Variants in INSR observed in about 807,000 individuals in gnomAD.
INSR encodes IR.
In INSR, 67 loss-of-function variants were observed where a neutral mutation model predicts 142.6. The observed-to-expected ratio is 0.47, with a 90% CI of 0.39 to 0.58. The LOEUF (loss-of-function observed/expected upper bound fraction) is 0.58, where lower values mean the gene tolerates loss of function less well. INSR is among the 20% of genes least tolerant of loss of function. The pLI is 0.00. For missense variants in INSR, 1,248 were observed against 1,833.2 expected, an observed-to-expected ratio of 0.68 and a Z score of 5.83; for synonymous variants, 756 against 743.1, an observed-to-expected ratio of 1.02 and a Z score of -0.28.
At chr19:7,256,379 G>A (rs1568222366) in intron 2 of INSR, among the ~76,000 whole-genome samples, 3 of 152,142 alleles carry the variant, frequency 2.0e-5, no homozygotes, top group Non-Finnish European at 4.4e-5. Flanking sequence ...AACCCGGGAG[G>A]CAGGGGTTGC....
intron 4 of INSR, among the ~76,000 whole-genome samples, chr19:7,173,280 A>C (rs1230646014): frequency 1.3e-5 from 2 of 152,174 alleles, no homozygotes; most frequent in African/African-American, 4.8e-5. Flanking sequence ...TGTTCGCTAA[A>C]GAAATAAACA....
At chr19:7,127,846 C>T (rs143594911) in intron 15 of INSR, among the ~76,000 whole-genome samples, 2,961 of 151,414 alleles carry the variant, frequency 0.02, 62 homozygotes, top group African/African-American at 0.047. Context: ...TGGGTTCAAG[C>T]GATTCTCCTG....
At chr19:7,224,629 G>A (rs1975723494) in intron 2 of INSR, among the ~76,000 whole-genome samples, 1 of 152,198 alleles carries the variant, frequency 6.6e-6, no homozygotes, top group Non-Finnish European at 1.5e-5. Context: ...CTGCCGGAGG[G>A]CGATGGTCCA....
chr19:7,273,433 T>C (rs1034176809), intron 1 of INSR, among the ~76,000 whole-genome samples: 4 of 152,030 alleles, frequency 2.6e-5, no homozygotes, highest in Admixed American at 2.0e-4. Flanking sequence ...AATGGGTACC[T>C]GGTTAATGGC....
At chr19:7,152,255 GTGC>G (rs1231151675) in intron 10 of INSR, 4 of 239,372 alleles carry the variant, frequency 1.7e-5, no homozygotes, top group Non-Finnish European at 3.3e-5. Context: ...GCTGGGCGTG[GTGC>G]TGCGCACCTG....
At chr19:7,286,687 A>G (rs1173038448) in intron 1 of INSR, among the ~76,000 whole-genome samples, 1 of 149,620 alleles carries the variant, frequency 6.7e-6, no homozygotes, top group Admixed American at 6.7e-5. Context: ...ACTGCACCCC[A>G]CCACAAGATT....
intron 9 of INSR, among the ~76,000 whole-genome samples, chr19:7,154,902 C>T (rs1258872848): frequency 2.6e-5 from 4 of 151,616 alleles, no homozygotes; most frequent in Non-Finnish European, 5.9e-5. Flanking sequence ...CCAGCCTAGG[C>T]GACAACAGCG....
chr19:7,251,947 C>G (rs1196703099), intron 2 of INSR, among the ~76,000 whole-genome samples: 5 of 151,942 alleles, frequency 3.3e-5, no homozygotes, highest in Non-Finnish European at 5.9e-5. Context: ...ACCAACTGAC[C>G]CAGCGATTCC....
chr19:7,256,482 C>T (rs10424900), intron 2 of INSR, among the ~76,000 whole-genome samples: 1 of 151,742 alleles, frequency 6.6e-6, no homozygotes, highest in Non-Finnish European at 1.5e-5. Context: ...CCAATCCTGG[C>T]TGGCACAGTG....
intron 2 of INSR, among the ~76,000 whole-genome samples, chr19:7,233,668 C>CTTTTTTTTTTTTTTTTTTTTGTTTTT (rs1976064609): frequency 1.4e-5 from 1 of 72,408 alleles, no homozygotes; most frequent in Non-Finnish European, 2.4e-5. Context: ...CTTTTTCTGT[C>CTTTTTTTTTTTTTTTTTTTTGTTTTT]TTTTTTTTTT....
chr19:7,129,618 C>T (rs1387136694), intron 14 of INSR, among the ~76,000 whole-genome samples: 1 of 152,226 alleles, frequency 6.6e-6, no homozygotes, highest in East Asian at 1.9e-4. Context: ...AGCCAACGTG[C>T]CCGGCCAAAT....
At chr19:7,151,772 T>C (rs73503011) in intron 10 of INSR, among the ~76,000 whole-genome samples, 7,884 of 151,956 alleles carry the variant, frequency 0.052, 619 homozygotes, top group African/African-American at 0.17. Context: ...ATGAATAGCA[T>C]TGGTAAACAT....
intron 7 of INSR, among the ~76,000 whole-genome samples, chr19:7,167,596 G>A (rs1374345832): frequency 3.3e-5 from 5 of 151,402 alleles, no homozygotes; most frequent in Admixed American, 6.6e-5. Flanking sequence ...AAAAATTGGG[G>A]ATAAAAAAGA....
intron 1 of INSR, among the ~76,000 whole-genome samples, chr19:7,287,411 T>G (rs1159972521): frequency 6.6e-6 from 1 of 151,774 alleles, no homozygotes; most frequent in Non-Finnish European, 1.5e-5. Context: ...TCCACCCACC[T>G]CGGCCTCCCA....
chr19:7,200,697 A>T (rs1019562759), intron 2 of INSR, among the ~76,000 whole-genome samples: 1 of 151,248 alleles, frequency 6.6e-6, no homozygotes, highest in Non-Finnish European at 1.5e-5. Flanking sequence ...ATTAAAGATT[A>T]AAAAAAATAA....
intron 11 of INSR, among the ~76,000 whole-genome samples, chr19:7,147,265 C>T (rs891981268): frequency 3.3e-5 from 5 of 151,936 alleles, no homozygotes; most frequent in Admixed American, 1.3e-4. Context: ...ACCTCCACCT[C>T]CCAGGTTCAA....
intron 2 of INSR, among the ~76,000 whole-genome samples, chr19:7,243,795 T>G (rs1478984097): frequency 6.6e-6 from 1 of 152,224 alleles, no homozygotes; most frequent in Non-Finnish European, 1.5e-5. Context: ...TTCAACGTTA[T>G]GCTGAAAGAA....
intron 2 of INSR, among the ~76,000 whole-genome samples, chr19:7,207,877 A>T (rs1410317705): frequency 7.0e-6 from 1 of 142,356 alleles, no homozygotes; most frequent in Non-Finnish European, 1.5e-5. Flanking sequence ...ATAGAGTGAG[A>T]CCTTGTTTGA....
intron 2 of INSR, among the ~76,000 whole-genome samples, chr19:7,208,580 A>G (rs545320471): frequency 6.6e-6 from 1 of 152,340 alleles, no homozygotes; most frequent in Non-Finnish European, 1.5e-5. Context: ...TGAGAAAACA[A>G]CAGCTGTGGC....
Sources: gnomAD v4.1 joint callset for allele counts (sites outside exome capture counted in the v4.1 genomes callset) on GRCh38, gnomAD v4.1.1 for gene constraint, MANE v1.5 for transcripts, NCBI Gene and HGNC (gene_info 2026-07-23, HGNC 2026-07-21) for gene names.